The following DNAH7 variants were observed in gnomAD, a reference collection of about 807,000 sequenced individuals.
DNAH7 encodes the protein dynein axonemal heavy chain 7.
In DNAH7, 397 loss-of-function variants were observed where a neutral mutation model predicts 444.6. The ratio of observed to expected loss-of-function variants is 0.89; its 90% confidence interval spans 0.82 to 0.97. DNAH7 has a LOEUF of 0.97. Ranked by LOEUF, DNAH7 falls within the 50% of genes least tolerant of loss-of-function variation. DNAH7 has a pLI of 0.00. For synonymous variants in DNAH7, 1,636 were observed against 1,624.4 expected, an observed-to-expected ratio of 1.01 and a Z score of -0.17; for missense variants, 4,902 against 4,800.8, an observed-to-expected ratio of 1.02 and a Z score of -0.62.
chr2:196,028,235 A>G (rs1695813352), intron 5 of DNAH7, among the ~76,000 whole-genome samples, 188 bp from the exon 6 acceptor site: 1 of 152,186 alleles, frequency 6.6e-6, no homozygotes, highest in Non-Finnish European at 1.5e-5. Flanking sequence ...ATTCATAGAG[A>G]GACAATTATA....
chr2:196,016,328 T>C (rs1017522869), intron 9 of DNAH7, among the ~76,000 whole-genome samples: 2 of 152,218 alleles, frequency 1.3e-5, no homozygotes, highest in Non-Finnish European at 2.9e-5. Flanking sequence ...CTATATTGTA[T>C]GACCTCATGA....
chr2:195,853,177 C>T (rs1345807249), intron 46 of DNAH7, among the ~76,000 whole-genome samples, 166 bp downstream of exon 46: 1 of 151,972 alleles, frequency 6.6e-6, no homozygotes, highest in Non-Finnish European at 1.5e-5. Context: ...TTTTGGCTAA[C>T]CAGCTAATTT....
intron 48 of DNAH7, 122 bp downstream of exon 48, chr2:195,834,084 G>A (rs1304074513): frequency 2.1e-5 from 21 of 997,610 alleles, no homozygotes; most frequent in East Asian, 2.0e-4. Context: ...GCATGTGCCT[G>A]TAGTCTCAGC....
At chr2:195,751,627 C>A (rs1443089389) in intron 63 of DNAH7, among the ~76,000 whole-genome samples, 1 of 152,160 alleles carries the variant, frequency 6.6e-6, no homozygotes, top group African/African-American at 2.4e-5. Flanking sequence ...GCGGCTCCAA[C>A]AGATGGAAGT....
chr2:195,877,463 T>C (rs1460397213), intron 36 of DNAH7, among the ~76,000 whole-genome samples: 1 of 152,246 alleles, frequency 6.6e-6, no homozygotes, highest in African/African-American at 2.4e-5. Context: ...CATTCAGCTT[T>C]ATAATTAAGA....
rs537776625 is a variant in DNAH7, at chr2:195,943,759, A to G, written c.3079-6967T>C. ...TCATGCTTGCTTTCTCAGATTATTA[A>G]TTGCTTTAACTCTCAAATGTTCTCC... On this transcript the variant is annotated intron_variant, in intron 19 of 64. Coordinates refer to ENST00000312428, the MANE Select transcript of DNAH7 (RefSeq NM_018897.3). Among the ~76,000 whole-genome samples, 197 of 152,200 alleles carry G rather than the reference A, an allele frequency of 1.3e-3. 4 individuals are homozygous for G. The highest frequency in any genetic ancestry group is 2.3e-3 in the Non-Finnish European group (158 of 67,988).
intron 49 of DNAH7, among the ~76,000 whole-genome samples, chr2:195,819,828 C>T (rs1246767081): frequency 1.3e-5 from 2 of 152,146 alleles, no homozygotes; most frequent in Admixed American, 6.5e-5. Flanking sequence ...ACCTTGGATG[C>T]TGATTGGAAT....
chr2:195,781,976 T>TACATACACAC (rs1553518635), intron 58 of DNAH7, among the ~76,000 whole-genome samples: 4 of 129,754 alleles, frequency 3.1e-5, no homozygotes, highest in African/African-American at 1.2e-4. Flanking sequence ...GTGGGTCTTA[T>TACATACACAC]ACACACACAC....
chr2:195,945,766 A>G (rs1239818313), intron 19 of DNAH7, among the ~76,000 whole-genome samples: 1 of 152,220 alleles, frequency 6.6e-6, no homozygotes, highest in African/African-American at 2.4e-5. Flanking sequence ...AGATGGGGTT[A>G]GACAAGAAAA....
intron 19 of DNAH7, among the ~76,000 whole-genome samples, chr2:195,946,079 GA>G (rs1276721680): frequency 6.6e-6 from 1 of 152,078 alleles, no homozygotes; most frequent in Non-Finnish European, 1.5e-5. Flanking sequence ...AATGCTACTA[GA>G]ACAGGAAAAA....
chr2:196,000,877 C>T lies in DNAH7; in HGVS notation c.1180G>A (p.Val394Ile), dbSNP rs1463168531. The change falls in exon 12 of 65, where the codon GTT (valine) becomes ATT (isoleucine). Residue 394 changes from valine to isoleucine, a missense_variant. By Grantham distance (29) the Val-to-Ile change is conservative. Coordinates refer to ENST00000312428, the MANE Select transcript of DNAH7 (RefSeq NM_018897.3). ...AAACCTGGATGTTCAAAAGCTCTAA[C>T]AGAATCCTGCAAAAAATTAAAAAAT... ...TDLIAQPPDSVRAFEHPGFIM... is the reference protein window; with the variant it reads ...TDLIAQPPDSIRAFEHPGFIM... 1 of 1,562,142 alleles carries T rather than the reference C, an allele frequency of 6.4e-7. No homozygotes were observed. The highest frequency in any genetic ancestry group is 1.2e-5 in the South Asian group (1 of 81,022).
At chr2:196,067,892 T>G (rs896901833) in intron 1 of DNAH7, among the ~76,000 whole-genome samples, 2 of 152,136 alleles carry the variant, frequency 1.3e-5, no homozygotes, top group Non-Finnish European at 2.9e-5. Flanking sequence ...AAAGCTAGAG[T>G]TATTTTCTAG....
intron 35 of DNAH7, among the ~76,000 whole-genome samples, chr2:195,882,478 AT>A (rs1390573201): frequency 6.6e-6 from 1 of 152,218 alleles, no homozygotes; most frequent in Non-Finnish European, 1.5e-5. Flanking sequence ...ATAGAAAAAA[AT>A]ATATAAAATT....
rs148652562 is a variant in DNAH7 at position 196,012,838 on chromosome 2, T to C, written c.938A>G (p.Gln313Arg). Residue 313 changes from glutamine (Q) to arginine (R), a missense_variant, in exon 10 of 65, where the codon CAG becomes CGG. Coordinates refer to ENST00000312428, the MANE Select transcript of DNAH7 (RefSeq NM_018897.3). ...CQDALELSSF[Q>R]NIIMRHMDSA... The stretch of plus-strand genomic sequence containing the variant: ...GTCCATGTGTCTCATGATAATGTTC[T>C]GAAAACTTGACAGCTCTAATGCATC... 43 of 1,580,048 alleles carry C rather than the reference T, an allele frequency of 2.7e-5. No individual in the cohort carries two copies. The African/African-American group carries it at 5.5e-4, about 20-fold the overall frequency.
chr2:195,744,342 G>A (rs1693246723), intron 63 of DNAH7, among the ~76,000 whole-genome samples: 1 of 152,314 alleles, frequency 6.6e-6, no homozygotes, highest in African/African-American at 2.4e-5. Context: ...GGCTTGCCTA[G>A]GTAAACAAAG....
In DNAH7 at chr2:195,824,440, G is replaced by A; in HGVS notation, c.9106C>T (p.Leu3036=). 5.0e-6 allele frequency: 8 copies of A among 1,599,958 alleles called. No homozygotes were observed. The highest frequency in any genetic ancestry group is 6.8e-6 in the Non-Finnish European group (8 of 1,173,880). ...TCTAGTTCTTCGCCAACATTTTCTA[G>A]CAACACTGGAGTAAAATCAGAAAAG... ...NCIQFGTPVL[L]ENVGEELDPI... Residue 3036 remains leucine (L), a synonymous_variant, in exon 49 of 65, where the codon CTA becomes TTA. Coordinates refer to ENST00000312428, the MANE Select transcript of DNAH7 (RefSeq NM_018897.3).
At chr2:195,776,269 C>T (rs1559087563) in intron 59 of DNAH7, among the ~76,000 whole-genome samples, 2 of 151,996 alleles carry the variant, frequency 1.3e-5, no homozygotes, top group South Asian at 4.2e-4. Flanking sequence ...CATGGAGAAA[C>T]CCCGTCTCTC....
At position 195,763,290 on chromosome 2, in the gene DNAH7, A is replaced by G. The variant is rs545005831; in HGVS notation, c.11434-7005T>C. Among the ~76,000 whole-genome samples the G allele has an allele frequency of 2.6e-5, 4 of 152,248 alleles. No homozygotes were observed. The East Asian group carries it at 7.7e-4, about 29-fold the overall frequency. ...AAGTGCCTACATCAAAAAAGCAGAA[A>G]AACTTCAAATAAACTACCTAATGAT... On this transcript the variant is annotated intron_variant, in intron 61 of 64. Transcript: ENST00000312428.
chr2:195,913,334 T>G (rs1380606448), intron 24 of DNAH7, among the ~76,000 whole-genome samples: 1 of 152,180 alleles, frequency 6.6e-6, no homozygotes, highest in African/African-American at 2.4e-5. Flanking sequence ...AAATAGGCAT[T>G]CTTTAAATGT....
Sources: allele counts gnomAD v4.1 joint callset (sites outside exome capture counted in the v4.1 genomes callset), GRCh38; gene constraint gnomAD v4.1.1; transcripts MANE v1.5; gene names NCBI Gene and HGNC (gene_info 2026-07-23, HGNC 2026-07-21).